Variants in NAALADL2 observed in about 807,000 individuals in gnomAD.
The protein encoded by NAALADL2 is N-acetylated alpha-linked acidic dipeptidase like 2, also known as inactive N-acetylated-alpha-linked acidic dipeptidase-like protein 2.
Under a neutral mutation model 87.2 loss-of-function variants are expected in NAALADL2, and 76 were observed. That is an observed-to-expected ratio of 0.87 (90% confidence interval 0.72 to 1.05). The LOEUF (loss-of-function observed/expected upper bound fraction) is 1.05. Among genes scored for constraint, NAALADL2 ranks in the 50% least tolerant of loss-of-function variants. The pLI is 0.00. For missense variants in NAALADL2, 1,089 were observed against 945.8 expected (o/e 1.15, Z -1.99); for synonymous variants, 354 against 331.0 (o/e 1.07, Z -0.75).
At chr3:174,721,338 GAT>G (rs1217768859) in intron 2 of NAALADL2, among the ~76,000 whole-genome samples, 2 of 152,120 alleles carry the variant, frequency 1.3e-5, no homozygotes, top group Non-Finnish European at 2.9e-5. Flanking sequence ...TATTCTACTA[GAT>G]ATTTCCTTTC....
At chr3:174,764,994 T>C (rs1319164662) in intron 3 of NAALADL2, among the ~76,000 whole-genome samples, 1 of 152,148 alleles carries the variant, frequency 6.6e-6, no homozygotes, top group African/African-American at 2.4e-5. Flanking sequence ...ACTTTCTACC[T>C]TTGTTTTTTT....
intron 2 of NAALADL2, among the ~76,000 whole-genome samples, chr3:174,555,787 C>T (rs1382976668): frequency 2.0e-5 from 3 of 152,096 alleles, no homozygotes; most frequent in African/African-American, 2.4e-5. Context: ...ATCTTACTAC[C>T]TACTTTCAGG....
chr3:174,546,240 A>G (rs1722716306), intron 1 of NAALADL2, among the ~76,000 whole-genome samples: 1 of 152,112 alleles, frequency 6.6e-6, no homozygotes, highest in Non-Finnish European at 1.5e-5. Flanking sequence ...CAGGAAGAGT[A>G]TGAAATTCCC....
intron 5 of NAALADL2, among the ~76,000 whole-genome samples, chr3:175,423,044 T>TTTAA (rs1716024712): frequency 8.7e-6 from 1 of 115,188 alleles, no homozygotes; most frequent in Non-Finnish European, 1.8e-5. Context: ...TATATATATA[T>TTTAA]ATATATATTT....
At chr3:175,354,211 T>C (rs1764096997) in intron 5 of NAALADL2, among the ~76,000 whole-genome samples, 1 of 152,198 alleles carries the variant, frequency 6.6e-6, no homozygotes, top group Non-Finnish European at 1.5e-5. Context: ...ACCTTGATCA[T>C]GATTGACACT....
intron 2 of NAALADL2, among the ~76,000 whole-genome samples, chr3:174,695,402 C>T (rs1290058338): frequency 6.6e-6 from 1 of 151,926 alleles, no homozygotes; most frequent in Non-Finnish European, 1.5e-5. Context: ...TTCTCCTGAA[C>T]CATAGACATA....
At position 175,183,431 on chromosome 3, in the gene NAALADL2, C is replaced by G. The variant is rs139644762; in HGVS notation, c.546-50500C>G. Among the ~76,000 whole-genome samples the G allele has an allele frequency of 5.9e-5, 9 of 152,048 alleles. No homozygotes were observed. In the East Asian group the frequency reaches 1.4e-3, roughly 23 times the overall value. On this transcript the variant is annotated intron_variant, in intron 2 of 13. Coordinates refer to ENST00000454872, the MANE Select transcript of NAALADL2 (RefSeq NM_207015.3). ...TCTGTTCTTGATCTTAGAAAAAAAGCTTTTAACTTTTTTCTGGTGAGTATA... is the reference window on the plus strand; with the variant it reads ...TCTGTTCTTGATCTTAGAAAAAAAGGTTTTAACTTTTTTCTGGTGAGTATA...
intron 2 of NAALADL2, among the ~76,000 whole-genome samples, chr3:175,154,021 G>T (rs1282765958): frequency 6.6e-6 from 1 of 152,070 alleles, no homozygotes; most frequent in African/African-American, 2.4e-5. Context: ...CCCCAAAATG[G>T]AACTTTTCAC....
chr3:174,995,321 T>C (rs1579924253), intron 1 of NAALADL2, among the ~76,000 whole-genome samples: 1 of 152,166 alleles, frequency 6.6e-6, no homozygotes, highest in Non-Finnish European at 1.5e-5. Context: ...ATGGAAATAA[T>C]TTCCTTAATG....
chr3:175,580,754 T>C (rs1405452384), intron 10 of NAALADL2, among the ~76,000 whole-genome samples: 1 of 152,164 alleles, frequency 6.6e-6, no homozygotes, highest in Non-Finnish European at 1.5e-5. Context: ...GTAACTTATT[T>C]TTTTAAAAAT....
chr3:174,879,245 A>G (rs1465038963), intron 1 of NAALADL2, among the ~76,000 whole-genome samples: 1 of 152,162 alleles, frequency 6.6e-6, no homozygotes, highest in Admixed American at 6.6e-5. Context: ...CCTTGACTAC[A>G]GACCACAGAC....
rs140083429 is a variant in NAALADL2 at position 174,805,040 on chromosome 3, T to C, written c.-9+67294T>C. 6.3e-3 allele frequency among the ~76,000 whole-genome samples: 964 copies of C among 152,288 alleles called. 9 individuals carry two copies. The highest frequency in any genetic ancestry group is 0.024 in the Middle Eastern group (7 of 294). ...GGGAATAATCAGAGTTTTCTTGTCA[T>C]AGATTATTTGCTAGGGTTAAAATGA... On this transcript the variant is annotated intron_variant, in intron 3 of 3. Transcript: ENST00000434257.
intron 2 of NAALADL2, among the ~76,000 whole-genome samples, chr3:174,726,353 C>CA (rs1732179575): frequency 1.3e-5 from 2 of 152,134 alleles, no homozygotes; most frequent in Non-Finnish European, 2.9e-5. Context: ...TGTGCAGGTC[C>CA]AAGAACTACC....
At chr3:174,979,654 A>G (rs1033743364) in intron 1 of NAALADL2, among the ~76,000 whole-genome samples, 1 of 152,116 alleles carries the variant, frequency 6.6e-6, no homozygotes, top group Non-Finnish European at 1.5e-5. Context: ...TATCTAAAAT[A>G]CAGAATTATT....
intron 1 of NAALADL2, among the ~76,000 whole-genome samples, chr3:175,042,570 C>T (rs1266205212): frequency 6.6e-6 from 1 of 152,134 alleles, no homozygotes; most frequent in African/African-American, 2.4e-5. Context: ...TAAGGGTTCC[C>T]TTTCCTCCAC....
intron 2 of NAALADL2, among the ~76,000 whole-genome samples, chr3:174,718,529 T>A (rs1731417157): frequency 1.3e-5 from 2 of 152,166 alleles, no homozygotes; most frequent in Non-Finnish European, 2.9e-5. Flanking sequence ...AGAACTAGGA[T>A]GAGAAACCAT....
At chr3:174,450,869 C>CAAAAAAAAAAAAAAAAAAAAAAAAAAAA (rs761513802) in intron 1 of NAALADL2, among the ~76,000 whole-genome samples, 1 of 74,896 alleles carries the variant, frequency 1.3e-5, no homozygotes, top group Non-Finnish European at 2.7e-5. Flanking sequence ...GACTCTGTCT[C>CAAAAAAAAAAAAAAAAAAAAAAAAAAAA]AAAAAAAAAA....
Position 175,809,210 on chromosome 3 carries a change from T to G in NAALADL2, c.*6007T>G, listed in dbSNP as rs562361465. The G allele has an allele frequency of 1.6e-4, 24 of 152,124 alleles. No individual in the cohort carries two copies. Among genetic ancestry groups the G allele is most frequent in the Admixed American group, 1.6e-3 (24 of 15,230 alleles). 9.4% of individuals were successfully genotyped at this position (152,124 alleles called of 1,614,324 possible). A position where few individuals can be genotyped will look rare whatever the true frequency, so the allele number is the denominator to read the frequency against. On this transcript the variant is annotated 3_prime_UTR_variant, in exon 14 of 14. Transcript: ENST00000454872. ...CAAACAAAATATTTTTCTATGCTAT[T>G]GCAAATTGTCCGCAGGAAGCAAAAT...
intron 2 of NAALADL2, among the ~76,000 whole-genome samples, chr3:174,635,682 T>A (rs1722571620): frequency 6.6e-6 from 1 of 152,122 alleles, no homozygotes; most frequent in South Asian, 2.1e-4. Flanking sequence ...TTTGTATTTT[T>A]AGTAGAGACG....
Sources: gnomAD v4.1 joint callset for allele counts (sites outside exome capture counted in the v4.1 genomes callset) on GRCh38, gnomAD v4.1.1 for gene constraint, MANE v1.5 for transcripts, NCBI Gene and HGNC (gene_info 2026-07-23, HGNC 2026-07-21) for gene names.